PACS2: variants seen among roughly 807,000 people sequenced by gnomAD.
PACS2 encodes PACS1-like protein.
Under a neutral mutation model 113.0 loss-of-function variants are expected in PACS2, and 36 were observed. That is an observed-to-expected ratio of 0.32 (90% CI 0.24 to 0.42). The LOEUF is 0.42. Among genes scored for constraint, PACS2 ranks in the 10% least tolerant of loss-of-function variants. PACS2 has a pLI of 1.00. For missense variants in PACS2, 1,015 were observed against 1,239.5 expected (o/e 0.82, Z 2.72); for synonymous variants, 589 against 536.1 (o/e 1.10, Z -1.36).
In PACS2 at chr14:105,354,094, AAG is replaced by A. The variant is rs1566933181; in HGVS notation, c.298-952_298-951del. 1.3e-5 allele frequency among the ~76,000 whole-genome samples: 2 copies of A among 152,030 alleles called. No homozygotes were observed. The highest frequency in any genetic ancestry group is 2.4e-5 in the African/African-American group (1 of 41,402). On this transcript the variant is annotated intron_variant, in intron 3 of 24. Coordinates refer to ENST00000447393, the MANE Select transcript of PACS2 (RefSeq NM_001100913.3). This position sits in a 1 kb window ranked among gnomAD's most constrained non-coding sequence, Gnocchi z 4.2. ...CAGAGTGAGACTCCATCTCAAAAAA[AAG>A]AGAGAATATAATAACGAGGGCAAAA...
In PACS2 at chr14:105,348,569, G is replaced by T. The variant is rs2060030134; in HGVS notation, c.196G>T (p.Val66Phe). The T allele has an allele frequency of 1.2e-6, 2 of 1,610,776 alleles. No individual in the cohort carries two copies. The highest frequency in any genetic ancestry group is 1.7e-6 in the Non-Finnish European group (2 of 1,178,522). Residue 66 changes from valine to phenylalanine, a missense_variant, in exon 2 of 25, where the codon GTC becomes TTC. By Grantham distance (50) the Val-to-Phe change is conservative. This residue lies in a region of PACS2 where 140 missense variants were observed against 135.1 expected (regional missense o/e 1.04). Coordinates refer to ENST00000447393, the MANE Select transcript of PACS2 (RefSeq NM_001100913.3). The surrounding 1 kb of genome is among the most constrained non-coding windows in gnomAD (Gnocchi z 6.4). ...EKELISVVIAVKMQGSKRILR... is the reference protein window; with the variant it reads ...EKELISVVIAFKMQGSKRILR... ...GGAGCTGATCTCCGTGGTGATCGCT[G>T]TCAAGATGCAGGTGAGGCCGCTTGT...
rs782383526 is a variant in PACS2 at position 105,354,093 on chromosome 14, A to G, written c.298-959A>G. Among the ~76,000 whole-genome samples the G allele has an allele frequency of 6.6e-5, 10 of 152,134 alleles. 1 individual carries two copies. The highest frequency in any genetic ancestry group is 2.4e-4 in the African/African-American group (10 of 41,512). On this transcript the variant is annotated intron_variant, in intron 3 of 24. Coordinates refer to ENST00000447393, the MANE Select transcript of PACS2 (RefSeq NM_001100913.3). The surrounding 1 kb of genome is among the most constrained non-coding windows in gnomAD (Gnocchi z 4.2). ...ACAGAGTGAGACTCCATCTCAAAAA[A>G]AAGAGAGAATATAATAACGAGGGCA...
intron 4 of PACS2, among the ~76,000 whole-genome samples, chr14:105,361,822 G>T (rs921304255): frequency 3.3e-5 from 5 of 152,106 alleles, no homozygotes; most frequent in Non-Finnish European, 7.4e-5. Context: ...GGTGGCACAT[G>T]CCTGTAATTC....
In PACS2 at chr14:105,330,847, G is replaced by C. The variant is rs587673132; in HGVS notation, c.119+15810G>C. ...TAAGTGCGTTCCCAATTCCATCTCT[G>C]TGCCAGCTGTGCCCCATGCAGCCTC... On this transcript the variant is annotated intron_variant, in intron 1 of 24. Coordinates refer to ENST00000447393, the MANE Select transcript of PACS2 (RefSeq NM_001100913.3). This position sits in a 1 kb window ranked among gnomAD's most constrained non-coding sequence, Gnocchi z 6.9. Among the ~76,000 whole-genome samples, 1 of 152,250 alleles carries C rather than the reference G, an allele frequency of 6.6e-6. No homozygotes were observed. The highest frequency in any genetic ancestry group is 2.4e-5 in the African/African-American group (1 of 41,544).
intron 1 of PACS2, among the ~76,000 whole-genome samples, chr14:105,339,477 G>A (rs1425825760): frequency 6.8e-6 from 1 of 147,838 alleles, no homozygotes; most frequent in African/African-American, 2.5e-5. Context: ...TTGCACTCCA[G>A]CCTGGGCAAC....
intron 8 of PACS2, chr14:105,375,095 A>G (rs1555410085): frequency 6.6e-6 from 1 of 152,338 alleles, no homozygotes; most frequent in Non-Finnish European, 1.5e-5. Flanking sequence ...TCGAGGCTGC[A>G]GTGAACTATG....
chr14:105,315,803 C>T lies in PACS2; in HGVS notation c.119+766C>T, dbSNP rs371924110. On this transcript the variant is annotated intron_variant, in intron 1 of 24. Coordinates refer to ENST00000447393, the MANE Select transcript of PACS2 (RefSeq NM_001100913.3). The surrounding 1 kb of genome is among the most constrained non-coding windows in gnomAD (Gnocchi z 4.4). The stretch of plus-strand genomic sequence containing the variant: ...TAATTTCTTCGTGACTTGGTAGTTC[C>T]TGCTCAGGAAGCTCCCAGGCTAAGG... 2.0e-5 allele frequency among the ~76,000 whole-genome samples: 3 copies of T among 152,354 alleles called. No homozygotes were observed. The South Asian group carries it at 6.2e-4, about 32-fold the overall frequency.
At position 105,354,603 on chromosome 14, in the gene PACS2, C is replaced by T. The variant is rs1595675614; in HGVS notation, c.298-449C>T. ...GGGAGCCTGTGGTGAGACGTGCAGGCGAGTTGGGTGAACAGGGGGCCTCGG... is the reference window on the plus strand; with the variant it reads ...GGGAGCCTGTGGTGAGACGTGCAGGTGAGTTGGGTGAACAGGGGGCCTCGG... On this transcript the variant is annotated intron_variant, in intron 3 of 24. Coordinates refer to ENST00000447393, the MANE Select transcript of PACS2 (RefSeq NM_001100913.3). The surrounding 1 kb of genome is among the most constrained non-coding windows in gnomAD (Gnocchi z 4.2). Among the ~76,000 whole-genome samples, 1 of 152,186 alleles carries T rather than the reference C, an allele frequency of 6.6e-6. No homozygotes were observed. Among genetic ancestry groups the T allele is most frequent in the African/African-American group, 2.4e-5 (1 of 41,458 alleles).
intron 9 of PACS2, among the ~76,000 whole-genome samples, chr14:105,379,057 C>T (rs975466601): frequency 5.6e-5 from 8 of 144,090 alleles, no homozygotes; most frequent in Admixed American, 2.8e-4. Flanking sequence ...CTGGGTGGTC[C>T]GGAAAGGCAT....
At position 105,380,085 on chromosome 14, in the gene PACS2, C is replaced by T. The variant is rs782583190; in HGVS notation, c.1056C>T (p.Asp352=). 2.0e-5 allele frequency: 31 copies of T among 1,552,380 alleles called. No individual in the cohort carries two copies. The highest frequency in any genetic ancestry group is 3.9e-5 in the Admixed American group (2 of 51,144). Reference sequence around the variant, plus strand: ...TCCCATCTCCTCCCCCACAGGCTGACGTGCCCGAGAAGACGCGGTCCCTGG... The same window carrying T: ...TCCCATCTCCTCCCCCACAGGCTGATGTGCCCGAGAAGACGCGGTCCCTGG... The part of the protein sequence containing the change: ...RSHKEPPSPA[D]VPEKTRSLGG... Residue 352 remains aspartate (D), a synonymous_variant, in exon 11 of 25, where the codon GAC becomes GAT. Coordinates refer to ENST00000447393, the MANE Select transcript of PACS2 (RefSeq NM_001100913.3).
In PACS2 at chr14:105,397,275, GGA is replaced by G. The variant is rs1471713640; in HGVS notation, c.*2605_*2606del. The G allele has an allele frequency of 6.6e-6, 1 of 152,346 alleles. No individual in the cohort carries two copies. Among genetic ancestry groups the G allele is most frequent in the Non-Finnish European group, 1.5e-5 (1 of 68,152 alleles). 9.4% of individuals were successfully genotyped at this position (152,346 alleles called of 1,614,324 possible). ...TCACAGAGCTGTTCTGAGGGTGCAT[GGA>G]GGAGCACTCTGTCCCACCAAGGACA... On this transcript the variant is annotated 3_prime_UTR_variant, in exon 25 of 25. Transcript: ENST00000447393.
chr14:105,348,671 G>A lies in PACS2; in HGVS notation c.207+91G>A, dbSNP rs1012417379. ...GAGTCAGGCGGTGCGCTACTGTGGG[G>A]CCTTGTGCCAAAACAGCGGGCAGCC... is the stretch of plus-strand genomic sequence containing the variant. On this transcript the variant is annotated intron_variant, in intron 2 of 24. Coordinates refer to ENST00000447393, the MANE Select transcript of PACS2 (RefSeq NM_001100913.3). This position sits in a 1 kb window ranked among gnomAD's most constrained non-coding sequence, Gnocchi z 6.4. 4 of 965,396 alleles carry A rather than the reference G, an allele frequency of 4.1e-6. No individual in the cohort carries two copies. The allele number at this position is 965,396 out of a possible 1,614,324, so 59.8% of individuals were successfully genotyped here. A position where few individuals can be genotyped will look rare whatever the true frequency, so the allele number is the denominator to read the frequency against.
rs781996709 is a variant in PACS2, at chr14:105,391,781, C to T, written c.2255+15C>T. ...TCCTCCCCCAGGTAAAGGTGCCTCACGGCTCAGCACGTTTCACTTACCCGC... is the reference window on the plus strand; with the variant it reads ...TCCTCCCCCAGGTAAAGGTGCCTCATGGCTCAGCACGTTTCACTTACCCGC... On this transcript the variant is annotated intron_variant, in intron 22 of 24. Coordinates refer to ENST00000447393, the MANE Select transcript of PACS2 (RefSeq NM_001100913.3). 44 of 1,579,726 alleles carry T rather than the reference C, an allele frequency of 2.8e-5. No individual in the cohort carries two copies. Among genetic ancestry groups the T allele is most frequent in the East Asian group, 1.4e-4 (6 of 43,174 alleles).
Position 105,356,420 on chromosome 14 carries a change from C to T in PACS2, c.423+1243C>T, listed in dbSNP as rs1261541168. Among the ~76,000 whole-genome samples the T allele has an allele frequency of 1.3e-5, 2 of 152,222 alleles. No individual in the cohort carries two copies. Among genetic ancestry groups the T allele is most frequent in the East Asian group, 1.9e-4 (1 of 5,198 alleles). The stretch of plus-strand genomic sequence containing the variant: ...TCTTCCCGATTCCTTCGGCAAACCA[C>T]GGACAGCACGGGTGGACCGGGCCTC... On this transcript the variant is annotated intron_variant, in intron 4 of 24. Coordinates refer to ENST00000447393, the MANE Select transcript of PACS2 (RefSeq NM_001100913.3). The surrounding 1 kb of genome is among the most constrained non-coding windows in gnomAD (Gnocchi z 4.0).
At chr14:105,382,996 C>T in intron 15 of PACS2, 83 bp downstream of exon 15, 2 of 816,822 alleles carry the variant, frequency 2.4e-6, no homozygotes, top group South Asian at 2.9e-5. Context: ...TGCTCCGGGG[C>T]TAGGTGCGTC....
intron 14 of PACS2, 54 bp from the exon 15 acceptor site, chr14:105,382,753 T>C: frequency 8.5e-7 from 1 of 1,177,476 alleles, no homozygotes; most frequent in Admixed American, 1.8e-5. Context: ...GGTCAGGTGC[T>C]GGGGGTGGCC....
In PACS2 at chr14:105,315,052, C is replaced by T. The variant is rs2058507850; in HGVS notation, c.119+15C>T. ...TGCGTGCCCAGGTACGCGCCGCCCG[C>T]CGCGCTTTGTTCCCGCCGGGCACCT... On this transcript the variant is annotated intron_variant, in intron 1 of 24. Transcript: ENST00000447393. The surrounding 1 kb of genome is among the most constrained non-coding windows in gnomAD (Gnocchi z 4.4). The T allele has an allele frequency of 1.7e-6, 2 of 1,165,502 alleles. No individual in the cohort carries two copies. Among genetic ancestry groups the T allele is most frequent in the East Asian group, 1.0e-4 (2 of 19,478 alleles). 72.2% of individuals were successfully genotyped at this position (1,165,502 alleles called of 1,614,324 possible).
chr14:105,391,922 T>C (rs2081372882), intron 22 of PACS2, 156 bp downstream of exon 22: 1 of 683,812 alleles, frequency 1.5e-6, no homozygotes, highest in African/African-American at 1.8e-5. Flanking sequence ...GGGTCCTCTC[T>C]GGCCACCTCC....
chr14:105,348,475 C>T lies in PACS2; in HGVS notation c.120-18C>T. ...GAGAGGGCGGAGCCCCGAGGCTGAG[C>T]TGTGCCTTGCCTCACAGGTTGTGCA... is the stretch of plus-strand genomic sequence containing the variant. On this transcript the variant is annotated intron_variant, in intron 1 of 24. Transcript: ENST00000447393. This position sits in a 1 kb window ranked among gnomAD's most constrained non-coding sequence, Gnocchi z 6.4. 1 of 1,597,626 alleles carries T rather than the reference C, an allele frequency of 6.3e-7. No individual in the cohort carries two copies.
Sources: allele counts gnomAD v4.1 joint callset (sites outside exome capture counted in the v4.1 genomes callset), GRCh38; gene constraint gnomAD v4.1.1; regional missense constraint gnomAD v4.1.1; non-coding constraint Gnocchi (gnomAD v3.1); transcripts MANE v1.5; gene names NCBI Gene and HGNC (gene_info 2026-07-23, HGNC 2026-07-21).